Variants in AKAP19 observed in about 807,000 individuals in gnomAD.
The protein encoded by AKAP19 is A-kinase anchoring protein 19, also known as small A-kinase anchoring protein.
the AKAP19 span, among the ~76,000 whole-genome samples, chr2:189,985,084 G>T: frequency 6.6e-6 from 1 of 152,196 alleles, no homozygotes; most frequent in South Asian, 2.1e-4. Flanking sequence ...TTGGCAGATT[G>T]TCAACAAAGT....
chr2:190,102,302 C>A, the AKAP19 span, among the ~76,000 whole-genome samples: 1 of 151,270 alleles, frequency 6.6e-6, no homozygotes, highest in Non-Finnish European at 1.5e-5. Flanking sequence ...ACAAACTAAC[C>A]CCAAGGCTAG....
the AKAP19 span, among the ~76,000 whole-genome samples, chr2:190,028,950 A>G: frequency 6.6e-6 from 1 of 152,232 alleles, no homozygotes; most frequent in Non-Finnish European, 1.5e-5. Flanking sequence ...AATATGTACC[A>G]AAGATAGAAG....
the AKAP19 span, among the ~76,000 whole-genome samples, chr2:189,933,127 T>TA: frequency 2.0e-4 from 31 of 152,224 alleles, no homozygotes; most frequent in Admixed American, 5.2e-4. Flanking sequence ...AATCAGCATT[T>TA]AGTTATTAAT....
chr2:189,922,416 A>G, the AKAP19 span, among the ~76,000 whole-genome samples: 2 of 152,250 alleles, frequency 1.3e-5, no homozygotes, highest in Non-Finnish European at 1.5e-5. Context: ...TCCATAACCA[A>G]TATGAGTTGT....
chr2:190,067,988 G>T, the AKAP19 span, among the ~76,000 whole-genome samples: 4 of 152,042 alleles, frequency 2.6e-5, no homozygotes, highest in Non-Finnish European at 5.9e-5. Context: ...GATCATTTGA[G>T]GTCAGAAGTT....
the AKAP19 span, among the ~76,000 whole-genome samples, chr2:189,960,844 A>T: frequency 6.6e-6 from 1 of 152,218 alleles, no homozygotes; most frequent in Non-Finnish European, 1.5e-5. Context: ...TTTTTATAAA[A>T]GTATACTGGG....
the AKAP19 span, among the ~76,000 whole-genome samples, chr2:189,887,145 C>T: frequency 6.6e-6 from 1 of 152,162 alleles, no homozygotes; most frequent in African/African-American, 2.4e-5. Context: ...TCCCTAGCCT[C>T]CCACCCGCTG....
At chr2:190,013,585 G>A in the AKAP19 span, among the ~76,000 whole-genome samples, 1 of 151,838 alleles carries the variant, frequency 6.6e-6, no homozygotes, top group Non-Finnish European at 1.5e-5. Context: ...GCGTGATCTT[G>A]GCTCACTGCA....
At chr2:190,175,000 T>TGAG in the AKAP19 span, among the ~76,000 whole-genome samples, 45 of 65,276 alleles carry the variant, frequency 6.9e-4, no homozygotes, top group South Asian at 2.5e-3. Context: ...GATACATAGA[T>TGAG]TACATGGAGT....
At chr2:190,056,902 A>C in the AKAP19 span, 15 of 229,466 alleles carry the variant, frequency 6.5e-5, no homozygotes, top group African/African-American at 3.2e-4. Context: ...GTAAATATTA[A>C]ACAAAACTTT....
the AKAP19 span, chr2:189,923,630 C>T: frequency 4.2e-5 from 67 of 1,613,932 alleles, no homozygotes; most frequent in Admixed American, 3.0e-4. Flanking sequence ...AGGTGTGAAA[C>T]GATCTGCAGC....
the AKAP19 span, among the ~76,000 whole-genome samples, chr2:189,908,083 C>G: frequency 6.6e-6 from 1 of 151,944 alleles, no homozygotes; most frequent in Non-Finnish European, 1.5e-5. Flanking sequence ...CATTTCCTTC[C>G]TTCTGCTAAC....
At chr2:190,200,004 G>A in the AKAP19 span, 2 of 1,614,066 alleles carry the variant, frequency 1.2e-6, no homozygotes, top group Non-Finnish European at 1.7e-6. Flanking sequence ...AAGAGGAAGT[G>A]AAGGAACCTC....
chr2:190,149,476 C>T, the AKAP19 span, among the ~76,000 whole-genome samples: 1 of 152,100 alleles, frequency 6.6e-6, no homozygotes, highest in African/African-American at 2.4e-5. Context: ...GAACTTTCCT[C>T]TTAGCACCAC....
At chr2:190,202,353 A>C in the AKAP19 span, 2 of 167,076 alleles carry the variant, frequency 1.2e-5, no homozygotes, top group Non-Finnish European at 2.9e-5. Context: ...CCCATGACAT[A>C]TATGAACTAC....
chr2:190,161,812 A>G, the AKAP19 span, among the ~76,000 whole-genome samples: 5 of 152,156 alleles, frequency 3.3e-5, no homozygotes, highest in Non-Finnish European at 7.4e-5. Context: ...TCAGCCACGA[A>G]AAAGAAAAGA....
At chr2:189,963,371 A>G in the AKAP19 span, among the ~76,000 whole-genome samples, 1 of 151,280 alleles carries the variant, frequency 6.6e-6, no homozygotes. Context: ...ATTTTTTTGT[A>G]TTTTTAGTAG....
the AKAP19 span, among the ~76,000 whole-genome samples, chr2:190,135,660 A>G: frequency 6.2e-3 from 945 of 152,334 alleles, 9 homozygotes; most frequent in African/African-American, 0.022. Flanking sequence ...CAGATCATAT[A>G]GCATCCCTGT....
the AKAP19 span, among the ~76,000 whole-genome samples, chr2:190,130,077 G>A: frequency 6.6e-6 from 1 of 152,118 alleles, no homozygotes; most frequent in Non-Finnish European, 1.5e-5. Flanking sequence ...TCATATTAGA[G>A]ATGAACAAAC....
Sources: gnomAD v4.1 joint callset for allele counts (sites outside exome capture counted in the v4.1 genomes callset) on GRCh38, gnomAD v4.1.1 for gene constraint, MANE v1.5 for transcripts, NCBI Gene and HGNC (gene_info 2026-07-23, HGNC 2026-07-21) for gene names.